Variants in ZBTB20 observed in about 807,000 individuals in gnomAD.
ZBTB20 encodes zinc finger and BTB domain-containing protein 20.
In ZBTB20, 9 loss-of-function variants were observed where a neutral mutation model predicts 56.9. The ratio of observed to expected loss-of-function variants is 0.16; its 90% confidence interval spans 0.10 to 0.28. The LOEUF (loss-of-function observed/expected upper bound fraction) is 0.28. ZBTB20 is among the 10% of genes least tolerant of loss of function. The pLI is 1.00. For synonymous variants in ZBTB20, 417 were observed against 420.7 expected (o/e 0.99, Z 0.11); for missense variants, 655 against 1,003.0 (o/e 0.65, Z 4.69).
chr3:114,350,971 C>A lies in ZBTB20; in HGVS notation c.1107G>T (p.Glu369Asp). The change falls in exon 11 of 12, where the codon GAG becomes GAT. Residue 369 changes from glutamate to aspartate, a missense_variant. Coordinates refer to ENST00000675478, the MANE Select transcript of ZBTB20 (RefSeq NM_001348800.3). Reference protein sequence around the residue: ...DTDQAEGTESEPKGESFDSGV... With the variant: ...DTDQAEGTESDPKGESFDSGV... ...CCGAGTCGAAGCTTTCACCTTTGGG[C>A]TCACTCTCGGTGCCCTCGGCCTGGT... is the stretch of plus-strand genomic sequence containing the variant. 6.2e-7 allele frequency: 1 copy of A among 1,607,950 alleles called. No individual in the cohort carries two copies. Among genetic ancestry groups the A allele is most frequent in the Non-Finnish European group, 8.5e-7 (1 of 1,179,902 alleles).
intron 5 of ZBTB20, among the ~76,000 whole-genome samples, chr3:114,705,188 ACCCTTCCC>A (rs2063640711): frequency 6.6e-6 from 1 of 152,144 alleles, no homozygotes; most frequent in Non-Finnish European, 1.5e-5. Context: ...TATAATACTA[ACCCTTCCC>A]TCACCACCAC....
At chr3:114,831,404 A>G (rs1454174865) in intron 4 of ZBTB20, among the ~76,000 whole-genome samples, 4 of 151,884 alleles carry the variant, frequency 2.6e-5, no homozygotes, top group Non-Finnish European at 4.4e-5. Context: ...TCCTTCAACT[A>G]TGAAATGAGG....
chr3:114,656,899 C>T (rs995356213), intron 6 of ZBTB20, among the ~76,000 whole-genome samples: 32 of 152,278 alleles, frequency 2.1e-4, no homozygotes, highest in African/African-American at 7.7e-4. Flanking sequence ...AAGCATACGC[C>T]ACCACATCTG....
chr3:114,835,447 C>T (rs542183363), intron 4 of ZBTB20, among the ~76,000 whole-genome samples: 22 of 151,912 alleles, frequency 1.4e-4, no homozygotes, highest in Non-Finnish European at 2.1e-4. Flanking sequence ...ATTAGTTTTG[C>T]CTGCTGTGAG....
At chr3:114,677,097 T>C (rs538749612) in intron 6 of ZBTB20, among the ~76,000 whole-genome samples, 57 of 152,124 alleles carry the variant, frequency 3.7e-4, no homozygotes, top group African/African-American at 1.3e-3. Flanking sequence ...TAATCTCAAG[T>C]TTATGCAGGA....
At chr3:114,717,833 T>G (rs1487139099) in intron 5 of ZBTB20, among the ~76,000 whole-genome samples, 1 of 152,100 alleles carries the variant, frequency 6.6e-6, no homozygotes, top group Non-Finnish European at 1.5e-5. Flanking sequence ...CTCAACTTCT[T>G]GCAACAATTT....
At chr3:114,359,757 C>A (rs2081611970) in intron 10 of ZBTB20, among the ~76,000 whole-genome samples, 1 of 152,068 alleles carries the variant, frequency 6.6e-6, no homozygotes, top group Non-Finnish European at 1.5e-5. Context: ...TTTGAATAGA[C>A]CTTAAAGAAG....
intron 5 of ZBTB20, among the ~76,000 whole-genome samples, chr3:114,762,413 C>T (rs559966651): frequency 8.5e-5 from 13 of 152,218 alleles, no homozygotes; most frequent in Non-Finnish European, 1.5e-4. Flanking sequence ...CTAAGTCCAG[C>T]CACCCATAAT....
chr3:115,068,640 A>G (rs1437159792), intron 2 of ZBTB20, among the ~76,000 whole-genome samples: 1 of 152,128 alleles, frequency 6.6e-6, no homozygotes, highest in African/African-American at 2.4e-5. Context: ...AGGTAAAGAT[A>G]GACTATAATC....
rs375657906 is a variant in ZBTB20, at chr3:114,799,878, A to T, written c.-343+1223T>A. ...AATGAACTTAGCAGGAATTCAGACC[A>T]TAGGCAGAGACATATAAGCAACTCC... is the stretch of plus-strand genomic sequence containing the variant. On this transcript the variant is annotated intron_variant, in intron 5 of 11. Coordinates refer to ENST00000675478, the MANE Select transcript of ZBTB20 (RefSeq NM_001348800.3). Among the ~76,000 whole-genome samples the T allele has an allele frequency of 8.5e-5, 13 of 152,066 alleles. No individual in the cohort carries two copies. The East Asian group carries it at 2.3e-3, about 27-fold the overall frequency.
intron 5 of ZBTB20, among the ~76,000 whole-genome samples, chr3:114,795,106 T>C (rs929931238): frequency 4.0e-5 from 6 of 151,180 alleles, no homozygotes; most frequent in Admixed American, 2.0e-4. Context: ...TCTTAGAAGG[T>C]TGTCAGAGAT....
At chr3:114,969,678 A>G (rs2077792244) in intron 3 of ZBTB20, among the ~76,000 whole-genome samples, 1 of 152,226 alleles carries the variant, frequency 6.6e-6, no homozygotes, top group Non-Finnish European at 1.5e-5. Flanking sequence ...GGTACCTTAT[A>G]TTATGAGCCA....
chr3:115,015,111 T>C (rs2079891861), intron 2 of ZBTB20, among the ~76,000 whole-genome samples: 1 of 151,828 alleles, frequency 6.6e-6, no homozygotes, highest in South Asian at 2.1e-4. Flanking sequence ...CTATATGCTA[T>C]GCAAGTAGAA....
intron 7 of ZBTB20, among the ~76,000 whole-genome samples, chr3:114,416,286 G>A (rs1447557784): frequency 6.7e-6 from 1 of 148,644 alleles, no homozygotes; most frequent in Non-Finnish European, 1.5e-5. Flanking sequence ...CCTGATCATT[G>A]TGGTCAGACA....
At chr3:115,144,639 C>T (rs890764657) in intron 1 of ZBTB20, among the ~76,000 whole-genome samples, 1 of 152,002 alleles carries the variant, frequency 6.6e-6, no homozygotes. Flanking sequence ...CTCGTATTTT[C>T]TTTTAGTAGC....
At chr3:115,059,207 C>A (rs1453915862) in intron 2 of ZBTB20, among the ~76,000 whole-genome samples, 1 of 152,112 alleles carries the variant, frequency 6.6e-6, no homozygotes, top group African/African-American at 2.4e-5. Flanking sequence ...CATTTTCCAG[C>A]TTTTTCATGT....
rs534071073 is a variant in ZBTB20, at chr3:114,786,598, T to A, written c.-343+14503A>T. 9.8e-4 allele frequency among the ~76,000 whole-genome samples: 146 copies of A among 149,104 alleles called. 1 individual carries two copies. Among genetic ancestry groups the A allele is most frequent in the Middle Eastern group, 6.8e-3 (2 of 292 alleles). On this transcript the variant is annotated intron_variant, in intron 5 of 11. Coordinates refer to ENST00000675478, the MANE Select transcript of ZBTB20 (RefSeq NM_001348800.3). ...GTATCAGAAATATAATAATAATAGA[T>A]CTTTTTCCTGTGGAAAATAGTACAT... is the stretch of plus-strand genomic sequence containing the variant.
rs372368633 is a variant in ZBTB20 at position 114,327,391 on chromosome 3, C to T, written c.*11614G>A. On this transcript the variant is annotated 3_prime_UTR_variant, in exon 12 of 12. Transcript: ENST00000675478. ...TTTAGGATTTAAAAGAGTCTTTCTT[C>T]CTTTGGAAGCCAGTGCCTAAGGAGA... The T allele has an allele frequency of 8.6e-5, 13 of 152,040 alleles. No homozygotes were observed. The highest frequency in any genetic ancestry group is 2.9e-4 in the African/African-American group (12 of 41,452). The allele number at this position is 152,040 out of a possible 1,614,324, so 9.4% of individuals were successfully genotyped here.
intron 6 of ZBTB20, among the ~76,000 whole-genome samples, chr3:114,604,467 AC>A (rs1312142942): frequency 6.6e-6 from 1 of 151,912 alleles, no homozygotes; most frequent in African/African-American, 2.4e-5. Flanking sequence ...TGATTTTTGA[AC>A]CCTGGAAATA....
Sources: allele counts gnomAD v4.1 joint callset (sites outside exome capture counted in the v4.1 genomes callset), GRCh38; gene constraint gnomAD v4.1.1; transcripts MANE v1.5; gene names NCBI Gene and HGNC (gene_info 2026-07-23, HGNC 2026-07-21).